Variants in SERAC1 observed in about 807,000 individuals in gnomAD.
SERAC1 encodes serine active site containing 1.
A neutral mutation model predicts 85.7 loss-of-function variants in SERAC1; 36 were observed. That is an observed-to-expected ratio of 0.42 (90% CI 0.32 to 0.55). The LOEUF (loss-of-function observed/expected upper bound fraction) is 0.55, where lower values mean the gene tolerates loss of function less well. Ranked by LOEUF, SERAC1 falls within the 20% of genes least tolerant of loss-of-function variation. The pLI is 0.11. For synonymous variants in SERAC1, 242 were observed against 265.3 expected, an observed-to-expected ratio of 0.91 and a Z score of 0.85; for missense variants, 629 against 796.2, an observed-to-expected ratio of 0.79 and a Z score of 2.53.
At chr6:158,141,858 A>C (rs1784923109) in intron 8 of SERAC1, among the ~76,000 whole-genome samples, 1 of 152,352 alleles carries the variant, frequency 6.6e-6, no homozygotes, top group East Asian at 1.9e-4. Flanking sequence ...GACATGGCCC[A>C]AAAGGGGAAA....
In SERAC1 at chr6:158,143,359, A is replaced by C. The variant is rs1391165819; in HGVS notation, c.610-175T>G. On this transcript the variant is annotated intron_variant, in intron 7 of 16. Coordinates refer to ENST00000647468, the MANE Select transcript of SERAC1 (RefSeq NM_032861.4). ...TCTCTCTCTCTCTCTATATATATATATATATATATATATATACACACACAC... is the reference window on the plus strand; with the variant it reads ...TCTCTCTCTCTCTCTATATATATATCTATATATATATATATACACACACAC... Among the ~76,000 whole-genome samples the C allele has an allele frequency of 5.0e-3, 210 of 41,734 alleles. No individual in the cohort carries two copies. The East Asian group carries it at 0.053, about 11-fold the overall frequency. 27.4% of individuals were successfully genotyped at this position (41,734 alleles called of 152,430 possible).
intron 1 of SERAC1, among the ~76,000 whole-genome samples, chr6:158,162,544 C>G (rs933351376): frequency 6.6e-6 from 1 of 152,180 alleles, no homozygotes; most frequent in African/African-American, 2.4e-5. Context: ...ACAATTACCA[C>G]TTTGACCCCC....
chr6:158,113,351 T>C, intron 16 of SERAC1, 98 bp downstream of exon 16: 3 of 981,776 alleles, frequency 3.1e-6, no homozygotes, highest in Non-Finnish European at 4.6e-6. Flanking sequence ...AAACTATCTC[T>C]TAAAACTGAG....
intron 10 of SERAC1, among the ~76,000 whole-genome samples, chr6:158,125,489 T>G (rs566693101): frequency 1.1e-4 from 16 of 152,282 alleles, no homozygotes; most frequent in African/African-American, 3.6e-4. Flanking sequence ...ACAATAAATC[T>G]GTTATTTATA....
At chr6:158,129,124 A>G (rs1784611117) in intron 9 of SERAC1, among the ~76,000 whole-genome samples, 1 of 152,240 alleles carries the variant, frequency 6.6e-6, no homozygotes, top group Non-Finnish European at 1.5e-5. Flanking sequence ...ATTTCTGGAA[A>G]GATAACTATT....
chr6:158,128,322 G>C, intron 9 of SERAC1, 52 bp from the exon 10 acceptor site: 29 of 1,579,522 alleles, frequency 1.8e-5, no homozygotes, highest in Non-Finnish European at 2.3e-5. Flanking sequence ...AATTCATGAC[G>C]TGAGATGACA....
chr6:158,144,376 G>A lies in SERAC1; in HGVS notation c.532C>T (p.Leu178Phe), dbSNP rs1174819134. The change falls in exon 7 of 17, where the codon CTT becomes TTT. Residue 178 changes from leucine to phenylalanine, a missense_variant. Physicochemically the swap from Leu to Phe is conservative, Grantham distance 22. Transcript: ENST00000647468. ...IIAQACDPKT[L>F]IGLARSEESD... Reference sequence around the variant, plus strand: ...TCTTCGCTTCGTGCCAAACCAATAAGAGTTTTCGGATCACAGGCTTGAGCA... The same window carrying A: ...TCTTCGCTTCGTGCCAAACCAATAAAAGTTTTCGGATCACAGGCTTGAGCA... The A allele has an allele frequency of 1.2e-6, 2 of 1,613,334 alleles. No individual in the cohort carries two copies. Among genetic ancestry groups the A allele is most frequent in the Non-Finnish European group, 1.7e-6 (2 of 1,179,510 alleles).
intron 2 of SERAC1, 96 bp downstream of exon 2, chr6:158,158,175 ATC>A: frequency 6.2e-6 from 5 of 809,028 alleles, no homozygotes; most frequent in Admixed American, 2.3e-5. Flanking sequence ...TTGAGATTTA[ATC>A]ATGGGTTCAA....
intron 3 of SERAC1, among the ~76,000 whole-genome samples, chr6:158,154,806 A>C (rs1056695502): frequency 3.9e-5 from 6 of 152,176 alleles, no homozygotes; most frequent in Non-Finnish European, 8.8e-5. Flanking sequence ...TTTAGAACCT[A>C]ATACCAGATG....
chr6:158,162,448 G>T (rs963996120), intron 1 of SERAC1, among the ~76,000 whole-genome samples: 1 of 152,164 alleles, frequency 6.6e-6, no homozygotes, highest in Non-Finnish European at 1.5e-5. Flanking sequence ...CTGGGTATGG[G>T]TTTGTTTTTA....
chr6:158,164,566 A>G (rs1338174492), intron 1 of SERAC1, among the ~76,000 whole-genome samples: 4 of 152,162 alleles, frequency 2.6e-5, no homozygotes, highest in Admixed American at 2.6e-4. Flanking sequence ...AGACTAAGAA[A>G]GACACAGAAA....
At chr6:158,116,337 GCTGT>G in intron 13 of SERAC1, 55 bp from the exon 14 acceptor site, 1 of 1,428,020 alleles carries the variant, frequency 7.0e-7, no homozygotes, top group South Asian at 1.2e-5. Context: ...CCCTCAATTT[GCTGT>G]CTAATTTTTA....
At chr6:158,116,858 C>T (rs1002993334) in intron 13 of SERAC1, 2 of 152,728 alleles carry the variant, frequency 1.3e-5, no homozygotes, top group African/African-American at 4.8e-5. Context: ...TACTAGGGTG[C>T]TATTTAGAAA....
chr6:158,153,558 T>C (rs1323770458), intron 3 of SERAC1, among the ~76,000 whole-genome samples: 1 of 152,132 alleles, frequency 6.6e-6, no homozygotes, highest in East Asian at 1.9e-4. Context: ...GATTAGCCAA[T>C]GTGTACTCCC....
rs1003780730 is a variant in SERAC1, at chr6:158,111,035, C to G, written c.*331G>C. On this transcript the variant is annotated 3_prime_UTR_variant, in exon 17 of 17. Coordinates refer to ENST00000647468, the MANE Select transcript of SERAC1 (RefSeq NM_032861.4). ...GAACCTGCCGTGCCCCTCCTGGATG[C>G]ACCAGGAAAGTCACAGATGGGAAAG... The G allele has an allele frequency of 1.2e-4, 21 of 176,360 alleles. No individual in the cohort carries two copies. The highest frequency in any genetic ancestry group is 4.7e-4 in the African/African-American group (20 of 42,512). 10.9% of individuals were successfully genotyped at this position (176,360 alleles called of 1,614,324 possible). A position where few individuals can be genotyped will look rare whatever the true frequency, so the allele number is the denominator to read the frequency against.
chr6:158,125,780 G>A (rs1353068627), intron 10 of SERAC1, among the ~76,000 whole-genome samples: 1 of 152,120 alleles, frequency 6.6e-6, no homozygotes, highest in Non-Finnish European at 1.5e-5. Context: ...ACAAAGAATG[G>A]CAGGGGATGT....
At chr6:158,123,176 CAGA>C (rs1236381204) in intron 10 of SERAC1, among the ~76,000 whole-genome samples, 2 of 152,134 alleles carry the variant, frequency 1.3e-5, no homozygotes, top group African/African-American at 4.8e-5. Flanking sequence ...GTAACTCTTT[CAGA>C]AGTTTAGCTA....
rs1784399371 is a variant in SERAC1, at chr6:158,120,679, C to T, written c.1016-104G>A. 3.2e-6 allele frequency: 4 copies of T among 1,245,782 alleles called. No homozygotes were observed. Among genetic ancestry groups the T allele is most frequent in the South Asian group, 1.5e-5 (1 of 66,568 alleles). 77.2% of individuals were successfully genotyped at this position (1,245,782 alleles called of 1,614,324 possible). On this transcript the variant is annotated intron_variant, in intron 10 of 16. Transcript: ENST00000647468. The surrounding 1 kb of genome is among the most constrained non-coding windows in gnomAD (Gnocchi z 4.4). ...TATGATGGGAGAAAGGCAAACCTTG[C>T]GTGTCTGTCCTTGGCGGAGAAGTCC... is the stretch of plus-strand genomic sequence containing the variant.
In SERAC1 at chr6:158,159,628, C is replaced by CTT. The variant is rs201267756; in HGVS notation, c.-1-1266_-1-1265dup. Among the ~76,000 whole-genome samples, 365 of 143,360 alleles carry CTT rather than the reference C, an allele frequency of 2.5e-3. 1 individual carries two copies. The highest frequency in any genetic ancestry group is 8.3e-3 in the African/African-American group (326 of 39,044). 94.0% of individuals were successfully genotyped at this position (143,360 alleles called of 152,430 possible). On this transcript the variant is annotated intron_variant, in intron 1 of 16. Coordinates refer to ENST00000647468, the MANE Select transcript of SERAC1 (RefSeq NM_032861.4). ...AATATATAAAACTTTTTAAGATTAT[C>CTT]TTTTTTTTTTTTTTGAAACAGGGTA...
Sources: allele counts gnomAD v4.1 joint callset (sites outside exome capture counted in the v4.1 genomes callset), GRCh38; gene constraint gnomAD v4.1.1; non-coding constraint Gnocchi (gnomAD v3.1); transcripts MANE v1.5; gene names NCBI Gene and HGNC (gene_info 2026-07-23, HGNC 2026-07-21).